THSD7B: variants seen among roughly 807,000 people sequenced by gnomAD.
The protein encoded by THSD7B is thrombospondin type 1 domain containing 7B, also known as thrombospondin type-1 domain-containing protein 7B.
THSD7B carries 138 observed loss-of-function variants against 213.6 expected under a neutral mutation model. That is an observed-to-expected ratio of 0.65 (90% CI 0.56 to 0.74). The LOEUF (loss-of-function observed/expected upper bound fraction) is 0.74, where lower values mean the gene tolerates loss of function less well. Ranked by LOEUF, THSD7B falls within the 30% of genes least tolerant of loss-of-function variation. The pLI is 0.00. For synonymous variants in THSD7B, 742 were observed against 687.0 expected, an observed-to-expected ratio of 1.08 and a Z score of -1.25; for missense variants, 1,931 against 1,991.5, an observed-to-expected ratio of 0.97 and a Z score of 0.58.
Position 136,966,277 on chromosome 2 carries a change from G to A in THSD7B, c.139+83960G>A, listed in dbSNP as rs140482669. On this transcript the variant is annotated intron_variant, in intron 2 of 27. Coordinates refer to ENST00000409968, the MANE Select transcript of THSD7B (RefSeq NM_001316349.2). Reference sequence around the variant, plus strand: ...CTGTTGCCCAGGCTGAAGTACCGTGGCATGATTTTGGCTCACTGCAGCCTC... The same window carrying A: ...CTGTTGCCCAGGCTGAAGTACCGTGACATGATTTTGGCTCACTGCAGCCTC... 2.1e-3 allele frequency among the ~76,000 whole-genome samples: 316 copies of A among 151,984 alleles called. 6 individuals carry two copies. Among genetic ancestry groups the A allele is most frequent in the East Asian group, 0.019 (96 of 5,156 alleles).
intron 1 of THSD7B, among the ~76,000 whole-genome samples, chr2:136,818,937 C>G (rs946374307): frequency 6.6e-6 from 1 of 152,146 alleles, no homozygotes; most frequent in Non-Finnish European, 1.5e-5. Context: ...CCTAGCATCT[C>G]AGTGGAGCAT....
At chr2:137,442,149 T>A (rs1687425841) in intron 14 of THSD7B, among the ~76,000 whole-genome samples, 1 of 152,232 alleles carries the variant, frequency 6.6e-6, no homozygotes, top group Non-Finnish European at 1.5e-5. Flanking sequence ...AGACTTTGAT[T>A]TATAATCCAT....
Position 137,663,415 on chromosome 2 carries a change from A to T in THSD7B, c.4491A>T (p.Thr1497=). 1 of 1,592,384 alleles carries T rather than the reference A, an allele frequency of 6.3e-7. No individual in the cohort carries two copies. The highest frequency in any genetic ancestry group is 8.6e-7 in the Non-Finnish European group (1 of 1,168,392). ...TCTGTGGTTGTGAGAAGGGCTATACAGAGATAATGAAATCAAATGGTTTCC... is the reference window on the plus strand; with the variant it reads ...TCTGTGGTTGTGAGAAGGGCTATACTGAGATAATGAAATCAAATGGTTTCC... ...GGVCGCEKGY[T]EIMKSNGFLD... Residue 1497 remains threonine (T), a synonymous_variant, in exon 26 of 28, where the codon ACA becomes ACT. Transcript: ENST00000409968.
At chr2:137,369,676 A>T (rs1347566454) in intron 12 of THSD7B, among the ~76,000 whole-genome samples, 1 of 152,118 alleles carries the variant, frequency 6.6e-6, no homozygotes. Context: ...TGGTGTTTCC[A>T]GCTAGCTCAT....
At chr2:136,882,035 C>A in intron 1 of THSD7B, 109 bp from the exon 2 acceptor site, 1 of 760,424 alleles carries the variant, frequency 1.3e-6, no homozygotes, top group Non-Finnish European at 1.9e-6. Context: ...TATCTTCATG[C>A]TAATGAAAAA....
At chr2:137,214,286 C>G (rs1053664220) in intron 7 of THSD7B, among the ~76,000 whole-genome samples, 2 of 152,092 alleles carry the variant, frequency 1.3e-5, no homozygotes, top group Admixed American at 6.6e-5. Flanking sequence ...TTTACAACAT[C>G]AAGTTGCTGA....
chr2:137,332,879 G>C (rs543806271), intron 12 of THSD7B, among the ~76,000 whole-genome samples: 5 of 152,258 alleles, frequency 3.3e-5, no homozygotes, highest in African/African-American at 7.2e-5. Flanking sequence ...CTACTATGCT[G>C]AACTGTGAGT....
intron 27 of THSD7B, among the ~76,000 whole-genome samples, chr2:137,672,801 GACTACTTCTTTC>G (rs1213391219): frequency 6.6e-6 from 1 of 152,164 alleles, no homozygotes; most frequent in East Asian, 1.9e-4. Flanking sequence ...GCCTTCTAAA[GACTACTTCTTTC>G]AAATACTAGC....
At chr2:137,130,863 G>A (rs13014283) in intron 5 of THSD7B, among the ~76,000 whole-genome samples, 52,063 of 136,660 alleles carry the variant, frequency 0.38, 10,668 homozygotes, top group East Asian at 0.49. Context: ...CTTTATAGCA[G>A]CATGATTTAT....
intron 15 of THSD7B, among the ~76,000 whole-genome samples, chr2:137,461,290 G>T (rs1687878975): frequency 6.6e-6 from 1 of 152,038 alleles, no homozygotes; most frequent in South Asian, 2.1e-4. Context: ...TAAGCAATTG[G>T]CATTTCATCT....
intron 20 of THSD7B, among the ~76,000 whole-genome samples, chr2:137,635,108 AGAG>A (rs1196000815): frequency 6.6e-6 from 1 of 152,190 alleles, no homozygotes; most frequent in East Asian, 1.9e-4. Context: ...AAAGGCTCAG[AGAG>A]GAGAATTACT....
chr2:137,641,925 T>TG (rs1682946254), intron 20 of THSD7B, among the ~76,000 whole-genome samples: 1 of 152,182 alleles, frequency 6.6e-6, no homozygotes, highest in Non-Finnish European at 1.5e-5. Context: ...ATTGGGACCT[T>TG]GGGGTAGCAC....
In THSD7B at chr2:137,115,239, G is replaced by A. The variant is rs1300134955; in HGVS notation, c.1315G>A (p.Glu439Lys). 1.2e-6 allele frequency: 2 copies of A among 1,613,142 alleles called. No individual in the cohort carries two copies. The highest frequency in any genetic ancestry group is 4.5e-5 in the East Asian group (2 of 44,838). The change falls in exon 5 of 28, where the codon GAG (glutamate) becomes AAG (lysine). Residue 439 changes from glutamate to lysine, a missense_variant. Glu to Lys is a moderately conservative substitution (Grantham distance 56). Transcript: ENST00000409968. ...PVCGGGIQTR[E>K]VYCAQSVPAA... ...GTGTGGCGGTGGGATCCAGACCCGG[G>A]AGGTGTACTGTGCCCAGAGCGTACC...
chr2:137,237,357 C>T (rs1681788861), intron 9 of THSD7B, among the ~76,000 whole-genome samples: 1 of 152,144 alleles, frequency 6.6e-6, no homozygotes, highest in Non-Finnish European at 1.5e-5. Flanking sequence ...CTCTGGGTTT[C>T]AAGGCTTCAG....
intron 20 of THSD7B, among the ~76,000 whole-genome samples, chr2:137,634,625 A>G (rs1558866742): frequency 6.6e-6 from 1 of 152,222 alleles, no homozygotes; most frequent in Non-Finnish European, 1.5e-5. Context: ...TGTCAGGGCC[A>G]CAGAAGAATT....
intron 12 of THSD7B, among the ~76,000 whole-genome samples, chr2:137,295,273 C>T (rs1011211927): frequency 2.0e-5 from 3 of 152,148 alleles, no homozygotes; most frequent in African/African-American, 7.2e-5. Context: ...TAGTTTTCCA[C>T]TTTACCTAGT....
intron 2 of THSD7B, among the ~76,000 whole-genome samples, chr2:136,885,088 A>G (rs1167744974): frequency 1.3e-5 from 2 of 152,186 alleles, no homozygotes; most frequent in African/African-American, 4.8e-5. Flanking sequence ...AGGGTATGTT[A>G]TCAAATCCAA....
At chr2:136,805,194 TG>T (rs1682261074) in intron 1 of THSD7B, among the ~76,000 whole-genome samples, 1 of 151,832 alleles carries the variant, frequency 6.6e-6, no homozygotes, top group South Asian at 2.1e-4. Context: ...TGCTTCTGAC[TG>T]GGTTTGGTCA....
intron 1 of THSD7B, among the ~76,000 whole-genome samples, chr2:136,774,439 C>T (rs1484827258): frequency 6.6e-6 from 1 of 152,060 alleles, no homozygotes; most frequent in Non-Finnish European, 1.5e-5. Flanking sequence ...CTGATAGTAA[C>T]AGACCCTCTG....
Sources: gnomAD v4.1 joint callset for allele counts (sites outside exome capture counted in the v4.1 genomes callset) on GRCh38, gnomAD v4.1.1 for gene constraint, MANE v1.5 for transcripts, NCBI Gene and HGNC (gene_info 2026-07-23, HGNC 2026-07-21) for gene names.